EXOC4: variants seen among roughly 807,000 people sequenced by gnomAD.
EXOC4 encodes the protein exocyst complex component 4.
In EXOC4, 71 loss-of-function variants were observed where a neutral mutation model predicts 107.2. That is an observed-to-expected ratio of 0.66 (90% CI 0.55 to 0.81). EXOC4 has a LOEUF of 0.81. Ranked by LOEUF, EXOC4 falls within the 30% of genes least tolerant of loss-of-function variation. The pLI is 0.00. For missense variants in EXOC4, 1,108 were observed against 1,189.6 expected (o/e 0.93, Z 1.01); for synonymous variants, 456 against 441.2 (o/e 1.03, Z -0.42).
At chr7:133,334,412 A>G (rs921133209) in intron 5 of EXOC4, among the ~76,000 whole-genome samples, 3 of 152,126 alleles carry the variant, frequency 2.0e-5, no homozygotes, top group Admixed American at 2.0e-4. Context: ...ACTCCTTTAT[A>G]CTTTGCTGTT....
Position 134,064,625 on chromosome 7 carries a change from C to CTAA in EXOC4, c.*97_*98insTAA. 1.2e-6 allele frequency: 1 copy of CTAA among 808,388 alleles called. No individual in the cohort carries two copies. Among genetic ancestry groups the CTAA allele is most frequent in the Non-Finnish European group, 1.9e-6 (1 of 524,030 alleles). The allele number at this position is 808,388 out of a possible 1,614,324, so 50.1% of individuals were successfully genotyped here. ...TATATTCTGAGCTTAGTTTTCTCTA[C>CTAA]AGTGATACTTTAGTGGAGAGGAGGT... On this transcript the variant is annotated 3_prime_UTR_variant, in exon 18 of 18. Coordinates refer to ENST00000253861, the MANE Select transcript of EXOC4 (RefSeq NM_021807.4).
chr7:133,762,656 G>A (rs780371152), intron 10 of EXOC4, among the ~76,000 whole-genome samples: 21 of 152,164 alleles, frequency 1.4e-4, no homozygotes, highest in Non-Finnish European at 2.4e-4. Flanking sequence ...AATAGGGAAC[G>A]TAAGTTAATC....
At chr7:133,674,757 T>G (rs1794020152) in intron 10 of EXOC4, among the ~76,000 whole-genome samples, 1 of 152,188 alleles carries the variant, frequency 6.6e-6, no homozygotes, top group Non-Finnish European at 1.5e-5. Flanking sequence ...CACCATAAAA[T>G]GTACTATAAT....
intron 5 of EXOC4, among the ~76,000 whole-genome samples, chr7:133,351,373 A>T (rs1266821023): frequency 6.6e-6 from 1 of 151,984 alleles, no homozygotes; most frequent in East Asian, 1.9e-4. Flanking sequence ...TCTCCTTACT[A>T]GTTATAGATC....
the EXOC4 span, among the ~76,000 whole-genome samples, chr7:134,100,287 C>A: frequency 0.25 from 20,356 of 80,288 alleles, 5,552 homozygotes; most frequent in African/African-American, 0.47. Flanking sequence ...AGGGAAGAGG[C>A]CTGGAACAGC....
chr7:133,937,903 C>T lies in EXOC4; in HGVS notation c.2040C>T (p.Gly680=), dbSNP rs1162317261. The change falls in exon 14 of 18, where the codon GGC becomes GGT. Residue 680 remains glycine, a synonymous_variant. Coordinates refer to ENST00000253861, the MANE Select transcript of EXOC4 (RefSeq NM_021807.4). ...EEEDFIRAAF[G]KESEVLIGNL... Reference sequence around the variant, plus strand: ...ATTTGCTTTTCAGGGCAGCTTTTGGCAAGGAGTCTGAAGTTCTTATTGGGA... The same window carrying T: ...ATTTGCTTTTCAGGGCAGCTTTTGGTAAGGAGTCTGAAGTTCTTATTGGGA... The T allele has an allele frequency of 1.2e-6, 2 of 1,614,004 alleles. No homozygotes were observed. Among genetic ancestry groups the T allele is most frequent in the African/African-American group, 2.7e-5 (2 of 74,898 alleles).
intron 9 of EXOC4, among the ~76,000 whole-genome samples, chr7:133,507,308 TTTAAA>T (rs779422683): frequency 1.3e-5 from 2 of 152,228 alleles, no homozygotes; most frequent in Non-Finnish European, 2.9e-5. Context: ...TCATTAAGTT[TTTAAA>T]TTAAATCTCA....
chr7:133,982,491 G>A (rs1320211587), intron 14 of EXOC4, among the ~76,000 whole-genome samples: 1 of 152,184 alleles, frequency 6.6e-6, no homozygotes, highest in Non-Finnish European at 1.5e-5. Flanking sequence ...GGTGGAGCTT[G>A]CAGTGAGCCG....
intron 10 of EXOC4, among the ~76,000 whole-genome samples, chr7:133,745,048 A>C (rs2151132458): frequency 6.6e-6 from 1 of 152,276 alleles, no homozygotes; most frequent in South Asian, 2.1e-4. Flanking sequence ...CAAGGAGATA[A>C]TTTTTGAAAG....
intron 7 of EXOC4, among the ~76,000 whole-genome samples, chr7:133,421,555 G>A (rs1269022980): frequency 6.6e-6 from 1 of 152,218 alleles, no homozygotes; most frequent in Non-Finnish European, 1.5e-5. Flanking sequence ...TGGAGAAAGA[G>A]GGCCCACTGC....
intron 9 of EXOC4, among the ~76,000 whole-genome samples, chr7:133,619,540 C>T (rs1029222093): frequency 3.9e-5 from 6 of 152,146 alleles, no homozygotes; most frequent in African/African-American, 1.4e-4. Context: ...ACTGGCAAGC[C>T]GTCATCAGAG....
At chr7:133,599,042 A>G (rs1230693048) in intron 9 of EXOC4, among the ~76,000 whole-genome samples, 6 of 152,206 alleles carry the variant, frequency 3.9e-5, no homozygotes, top group Non-Finnish European at 1.5e-5. Context: ...ACTGGATTTC[A>G]AAGACTTTAG....
At chr7:133,627,343 A>C (rs1802480522) in intron 9 of EXOC4, among the ~76,000 whole-genome samples, 1 of 152,186 alleles carries the variant, frequency 6.6e-6, no homozygotes, top group Non-Finnish European at 1.5e-5. Flanking sequence ...ATTTGACTGG[A>C]GCCAGGTTAG....
intron 10 of EXOC4, among the ~76,000 whole-genome samples, chr7:133,689,488 T>C (rs941838670): frequency 6.6e-6 from 1 of 151,974 alleles, no homozygotes; most frequent in Non-Finnish European, 1.5e-5. Flanking sequence ...GTATGGAAAA[T>C]TACTAAGAAG....
chr7:133,744,684 G>T (rs1285515682), intron 10 of EXOC4, among the ~76,000 whole-genome samples: 1 of 152,126 alleles, frequency 6.6e-6, no homozygotes, highest in African/African-American at 2.4e-5. Context: ...TCCACCACTG[G>T]TTAAGCTTGC....
intron 14 of EXOC4, among the ~76,000 whole-genome samples, chr7:133,959,865 A>G (rs1563071976): frequency 1.3e-5 from 2 of 152,312 alleles, no homozygotes; most frequent in East Asian, 3.9e-4. Context: ...ATCTAACCAC[A>G]CTACCAGTTC....
chr7:133,463,363 C>G (rs1798639834), intron 7 of EXOC4, among the ~76,000 whole-genome samples: 1 of 152,032 alleles, frequency 6.6e-6, no homozygotes, highest in African/African-American at 2.4e-5. Context: ...GTTTGTTGGA[C>G]CCATGTTTTA....
At chr7:133,942,162 T>C (rs1342076467) in intron 14 of EXOC4, among the ~76,000 whole-genome samples, 1 of 152,118 alleles carries the variant, frequency 6.6e-6, no homozygotes, top group Non-Finnish European at 1.5e-5. Flanking sequence ...CACCATGGCT[T>C]CCTTAGGGAG....
At chr7:133,626,556 T>TG (rs1180186787) in intron 9 of EXOC4, among the ~76,000 whole-genome samples, 1 of 152,152 alleles carries the variant, frequency 6.6e-6, no homozygotes, top group Non-Finnish European at 1.5e-5. Flanking sequence ...GTTTAGGTGT[T>TG]GGGGTAGGGA....
Sources: gnomAD v4.1 joint callset for allele counts (sites outside exome capture counted in the v4.1 genomes callset) on GRCh38, gnomAD v4.1.1 for gene constraint, MANE v1.5 for transcripts, NCBI Gene and HGNC (gene_info 2026-07-23, HGNC 2026-07-21) for gene names.